Variants in OBP2A observed in about 807,000 individuals in gnomAD.
OBP2A encodes the protein odorant binding protein 2A.
A neutral mutation model predicts 21.9 loss-of-function variants in OBP2A; 15 were observed. The observed-to-expected ratio is 0.69, with a 90% CI of 0.46 to 1.06. The LOEUF is 1.06. Ranked by LOEUF, OBP2A falls within the 50% of genes least tolerant of loss-of-function variation. The pLI is 0.00. For missense variants in OBP2A, 192 were observed against 220.1 expected (o/e 0.87, Z 0.81); for synonymous variants, 86 against 91.8 (o/e 0.94, Z 0.36).
At chr9:135,548,058 C>T (rs72766546) in intron 4 of OBP2A, 77 bp downstream of exon 4, 226,938 of 1,025,224 alleles carry the variant, frequency 0.22, 26,763 homozygotes, top group Non-Finnish European at 0.24. Flanking sequence ...ACCATCATCA[C>T]GCCCTGGCAC....
At position 135,549,844 on chromosome 9, in the gene OBP2A, C is replaced by T. The variant is rs779385439; in HGVS notation, c.*9C>T. The stretch of plus-strand genomic sequence containing the variant: ...CTCCTCTTCCCAGCACAGCAGCCCC[C>T]GGGTCTGCACCTCCAGAGCCCACCC... On this transcript the variant is annotated 3_prime_UTR_variant, in exon 7 of 7. Coordinates refer to ENST00000371776, the MANE Select transcript of OBP2A (RefSeq NM_014582.3). The T allele has an allele frequency of 2.8e-5, 43 of 1,546,558 alleles. No individual in the cohort carries two copies. In the Admixed American group the frequency reaches 4.1e-4, roughly 15 times the overall value.
At position 135,547,718 on chromosome 9, in the gene OBP2A, G is replaced by A. The variant is rs544023398; in HGVS notation, c.278-153G>A. 4.6e-5 allele frequency among the ~76,000 whole-genome samples: 7 copies of A among 152,334 alleles called. No individual in the cohort carries two copies. The South Asian group carries it at 8.3e-4, about 18-fold the overall frequency. ...AGAGGAGGCTCCTGCCTCCGTGTCC[G>A]GGTCCATGCTGTGCGGAGCAGCCAG... On this transcript the variant is annotated intron_variant, in intron 3 of 6. Transcript: ENST00000371776.
intron 6 of OBP2A, 42 bp downstream of exon 6, chr9:135,549,373 C>G (rs1160949709): frequency 7.2e-7 from 1 of 1,388,232 alleles, no homozygotes; most frequent in African/African-American, 2.3e-5. Context: ...GCCCAGAGTC[C>G]TGGGTTCCCG....
At position 135,547,788 on chromosome 9, in the gene OBP2A, T is replaced by C; in HGVS notation, c.278-83T>C. On this transcript the variant is annotated intron_variant, in intron 3 of 6. Coordinates refer to ENST00000371776, the MANE Select transcript of OBP2A (RefSeq NM_014582.3). Reference sequence around the variant, plus strand: ...GGGCACCTGGGTGACCACTGAAACATTCCTGAGTGTTTCTTCGTGTGGTCC... The same window carrying C: ...GGGCACCTGGGTGACCACTGAAACACTCCTGAGTGTTTCTTCGTGTGGTCC... 5 of 1,083,564 alleles carry C rather than the reference T, an allele frequency of 4.6e-6. No individual in the cohort carries two copies. In the South Asian group the frequency reaches 7.7e-5, roughly 17 times the overall value. 67.1% of individuals were successfully genotyped at this position (1,083,564 alleles called of 1,614,324 possible). A position where few individuals can be genotyped will look rare whatever the true frequency, so the allele number is the denominator to read the frequency against.
rs751311587 is a variant in OBP2A, at chr9:135,546,268, G to A, written c.72+16G>A. ...GGAGGAGGATGTGAGCTGGGTTGGC[G>A]TGGGCGGATGGAGGAGCCAGGTGGA... On this transcript the variant is annotated intron_variant, in intron 1 of 6. Coordinates refer to ENST00000371776, the MANE Select transcript of OBP2A (RefSeq NM_014582.3). The A allele has an allele frequency of 2.5e-5, 37 of 1,487,790 alleles. 4 individuals are homozygous for A. Among genetic ancestry groups the A allele is most frequent in the South Asian group, 8.3e-5 (7 of 84,558 alleles). 92.2% of individuals were successfully genotyped at this position (1,487,790 alleles called of 1,614,324 possible).
At chr9:135,547,130 G>T in intron 2 of OBP2A, 48 bp from the exon 3 acceptor site, 1 of 1,491,814 alleles carries the variant, frequency 6.7e-7, no homozygotes, top group Non-Finnish European at 9.3e-7. Context: ...CTGAGGATGG[G>T]CCAGGTGTGT....
chr9:135,548,076 A>G (rs1832000390), intron 4 of OBP2A, 95 bp downstream of exon 4: 2 of 880,818 alleles, frequency 2.3e-6, no homozygotes, highest in Non-Finnish European at 3.4e-6. Context: ...CACGGGGGGA[A>G]AAGGAAGCCC....
Position 135,546,220 on chromosome 9 carries a change from G to T in OBP2A, c.40G>T (p.Ala14Ser), listed in dbSNP as rs756653856. 4.3e-4 allele frequency: 651 copies of T among 1,517,664 alleles called. 17 individuals carry two copies. The highest frequency in any genetic ancestry group is 5.6e-4 in the Non-Finnish European group (626 of 1,109,974). The allele number at this position is 1,517,664 out of a possible 1,614,324, so 94.0% of individuals were successfully genotyped here. ...LFLGVTLGLA[A>S]ALSFTLEEED... ...CCTGGGTGTCACGCTCGGCCTGGCCGCTGCCCTGTCCTTCACCCTGGAGGA... is the reference window on the plus strand; with the variant it reads ...CCTGGGTGTCACGCTCGGCCTGGCCTCTGCCCTGTCCTTCACCCTGGAGGA... Residue 14 changes from alanine (A) to serine (S), a missense_variant, in exon 1 of 7, where the codon GCT (alanine) becomes TCT (serine). By Grantham distance (99) the Ala-to-Ser change is moderately conservative (BLOSUM62 1). Coordinates refer to ENST00000371776, the MANE Select transcript of OBP2A (RefSeq NM_014582.3).
chr9:135,547,332 A>C, intron 3 of OBP2A, 84 bp downstream of exon 3: 1 of 1,468,610 alleles, frequency 6.8e-7, no homozygotes, highest in East Asian at 2.3e-5. Context: ...CCCAGGCCAC[A>C]CTTCTGCCAG....
intron 2 of OBP2A, 26 bp from the exon 3 acceptor site, chr9:135,547,152 C>G: frequency 6.2e-7 from 1 of 1,606,194 alleles, no homozygotes; most frequent in Middle Eastern, 2.2e-4. Flanking sequence ...CTGGGAGCCG[C>G]TGCCCGAGTG....
chr9:135,547,038 AG>A (rs1200643591), intron 2 of OBP2A, 127 bp downstream of exon 2: 1 of 1,492,164 alleles, frequency 6.7e-7, no homozygotes. Context: ...GGAGGGAAAC[AG>A]CCAGGACATC....
intron 6 of OBP2A, chr9:135,549,615 C>A: frequency 1.7e-6 from 1 of 596,276 alleles, no homozygotes; most frequent in Non-Finnish European, 3.0e-6. Context: ...CTCGGCCCAT[C>A]GCCCCCTGCA....
chr9:135,548,918 C>T (rs972092103), intron 5 of OBP2A, 109 bp downstream of exon 5: 20 of 1,196,172 alleles, frequency 1.7e-5, no homozygotes, highest in East Asian at 2.4e-5. Flanking sequence ...CCGTGTGCCC[C>T]GAGTCTCCTC....
At position 135,547,906 on chromosome 9, in the gene OBP2A, C is replaced by T; in HGVS notation, c.313C>T (p.Pro105Ser). 6.2e-7 allele frequency: 1 copy of T among 1,613,162 alleles called. No homozygotes were observed. The highest frequency in any genetic ancestry group is 1.3e-5 in the African/African-American group (1 of 75,034). ...GAAGCTCATATACCTGCAGGAGCTG[C>T]CCGGGACGGACGACTACGTCTTTTA... The part of the protein sequence containing the change: ...GRKLIYLQEL[P>S]GTDDYVFYCK... The change falls in exon 4 of 7, where the codon CCC (proline) becomes TCC (serine). Residue 105 changes from proline to serine, a missense_variant. Transcript: ENST00000371776.
intron 4 of OBP2A, 96 bp downstream of exon 4, chr9:135,548,077 A>T: frequency 2.3e-6 from 2 of 877,658 alleles, no homozygotes; most frequent in Non-Finnish European, 3.4e-6. Context: ...ACGGGGGGAA[A>T]AGGAAGCCCC....
chr9:135,547,837 G>A (rs775557720), intron 3 of OBP2A, 34 bp from the exon 4 acceptor site: 3 of 1,463,110 alleles, frequency 2.1e-6, no homozygotes, highest in African/African-American at 1.4e-5. Context: ...CGGGAATGAG[G>A]GCACTGAAGA....
chr9:135,546,211 G>C lies in OBP2A; in HGVS notation c.31G>C (p.Gly11Arg). 6.6e-7 allele frequency: 1 copy of C among 1,517,776 alleles called. No homozygotes were observed. Among genetic ancestry groups the C allele is most frequent in the Admixed American group, 1.8e-5 (1 of 55,140 alleles). The allele number at this position is 1,517,776 out of a possible 1,614,324, so 94.0% of individuals were successfully genotyped here. MKTLFLGVTLGLAAALSFTLE... is the reference protein window; with the variant it reads MKTLFLGVTLRLAAALSFTLE... ...GACCCTGTTCCTGGGTGTCACGCTCGGCCTGGCCGCTGCCCTGTCCTTCAC... is the reference window on the plus strand; with the variant it reads ...GACCCTGTTCCTGGGTGTCACGCTCCGCCTGGCCGCTGCCCTGTCCTTCAC... The change falls in exon 1 of 7, where the codon GGC becomes CGC. Residue 11 changes from glycine to arginine, a missense_variant. By Grantham distance (125) the Gly-to-Arg change is moderately radical. Transcript: ENST00000371776.
Position 135,548,826 on chromosome 9 carries a change from C to A in OBP2A, c.490+17C>A. 1 of 1,612,794 alleles carries A rather than the reference C, an allele frequency of 6.2e-7. No homozygotes were observed. The highest frequency in any genetic ancestry group is 2.2e-5 in the East Asian group (1 of 44,856). ...TGCAGACGGGTGAGGACGGCTGTGC[C>A]CAGTACCCCGTGTTCCCCTGTGTCT... On this transcript the variant is annotated intron_variant, in intron 5 of 6. Transcript: ENST00000371776.
intron 3 of OBP2A, 38 bp downstream of exon 3, chr9:135,547,286 C>A: frequency 3.1e-6 from 5 of 1,600,272 alleles, no homozygotes; most frequent in Non-Finnish European, 4.3e-6. Context: ...CCATGCCCAA[C>A]CCCGGATGCA....
Sources: allele counts gnomAD v4.1 joint callset (sites outside exome capture counted in the v4.1 genomes callset), GRCh38; gene constraint gnomAD v4.1.1; transcripts MANE v1.5; gene names NCBI Gene and HGNC (gene_info 2026-07-23, HGNC 2026-07-21).